Variants in PRKN observed in about 807,000 individuals in gnomAD.
PRKN encodes E3 ubiquitin-protein ligase parkin.
Under a neutral mutation model 59.5 loss-of-function variants are expected in PRKN, and 56 were observed. That is an observed-to-expected ratio of 0.94 (90% CI 0.76 to 1.18). The LOEUF is 1.18. Ranked by LOEUF, PRKN falls within the 50% of genes most tolerant of loss-of-function variation. PRKN has a pLI of 0.00. For synonymous variants in PRKN, 250 were observed against 222.1 expected (o/e 1.13, Z -1.12); for missense variants, 657 against 596.4 (o/e 1.10, Z -1.06).
intron 2 of PRKN, among the ~76,000 whole-genome samples, chr6:162,298,669 T>C (rs1022216383): frequency 5.0e-5 from 6 of 120,228 alleles, no homozygotes; most frequent in Admixed American, 2.4e-4. Flanking sequence ...CCAGAGGACA[T>C]ATTTACAATT....
rs913429215 is a variant in PRKN, at chr6:161,578,780, A to C, written c.872-9364T>G. 6.6e-6 allele frequency among the ~76,000 whole-genome samples: 1 copy of C among 152,262 alleles called. No homozygotes were observed. Among genetic ancestry groups the C allele is most frequent in the African/African-American group, 2.4e-5 (1 of 41,484 alleles). On this transcript the variant is annotated intron_variant, in intron 7 of 11. Coordinates refer to ENST00000366898, the MANE Select transcript of PRKN (RefSeq NM_004562.3). The surrounding 1 kb of genome is among the most constrained non-coding windows in gnomAD (Gnocchi z 4.2). ...AGACAGAGGACAAGGTAGAACATGC[A>C]GTAACAAAAGATGAAAAACACTTCT...
intron 3 of PRKN, among the ~76,000 whole-genome samples, chr6:162,215,504 G>C (rs759102143): frequency 1.3e-5 from 2 of 152,106 alleles, no homozygotes; most frequent in Non-Finnish European, 2.9e-5. Context: ...CTCAGCTTCT[G>C]TTATCTGGTG....
intron 6 of PRKN, among the ~76,000 whole-genome samples, chr6:161,942,205 C>A (rs1779591112): frequency 6.6e-6 from 1 of 152,044 alleles, no homozygotes; most frequent in African/African-American, 2.4e-5. Context: ...TTTTACTCAC[C>A]AAAACAACTC....
rs1324757025 is a variant in PRKN at position 162,034,182 on chromosome 6, T to TAGAGAG, written c.618+19908_618+19909insCTCTCT. On this transcript the variant is annotated intron_variant, in intron 5 of 11. Transcript: ENST00000366898. Reference sequence around the variant, plus strand: ...GTGTACACATACATATATATATATATATATAGAGAGAGAGAGAGAGAGAGA... The same window carrying TAGAGAG: ...GTGTACACATACATATATATATATATAGAGAGATATAGAGAGAGAGAGAGAGAGAGA... Among the ~76,000 whole-genome samples, 391 of 121,512 alleles carry TAGAGAG rather than the reference T, an allele frequency of 3.2e-3. 2 individuals are homozygous for TAGAGAG. The highest frequency in any genetic ancestry group is 5.2e-3 in the South Asian group (20 of 3,816). The allele number at this position is 121,512 out of a possible 152,430, so 79.7% of individuals were successfully genotyped here.
chr6:161,911,142 C>G (rs1489888043), intron 6 of PRKN, among the ~76,000 whole-genome samples: 1 of 152,046 alleles, frequency 6.6e-6, no homozygotes, highest in Non-Finnish European at 1.5e-5. Flanking sequence ...TTTCATTTGT[C>G]TCATTTTTGG....
chr6:162,142,961 T>G (rs1393407742), intron 4 of PRKN, among the ~76,000 whole-genome samples: 2 of 152,246 alleles, frequency 1.3e-5, no homozygotes, highest in Admixed American at 1.3e-4. Context: ...TTTGGACTTT[T>G]TCTCAGTTAA....
chr6:161,474,514 G>A (rs916582569), intron 9 of PRKN, among the ~76,000 whole-genome samples: 3 of 152,060 alleles, frequency 2.0e-5, no homozygotes, highest in African/African-American at 4.8e-5. Context: ...CTGTGACTTA[G>A]TCATAGATGA....
chr6:162,690,816 C>G (rs1256314621), intron 1 of PRKN, among the ~76,000 whole-genome samples: 1 of 152,030 alleles, frequency 6.6e-6, no homozygotes, highest in Non-Finnish European at 1.5e-5. Context: ...ATGGAATGCC[C>G]TAAGACAGAA....
chr6:162,083,979 ATT>A (rs1409500304), intron 4 of PRKN, among the ~76,000 whole-genome samples: 2 of 152,088 alleles, frequency 1.3e-5, no homozygotes, highest in Non-Finnish European at 2.9e-5. Flanking sequence ...GACACTAATA[ATT>A]TGATTATAAT....
intron 6 of PRKN, among the ~76,000 whole-genome samples, chr6:161,824,449 C>G (rs764651277): frequency 6.6e-6 from 1 of 152,116 alleles, no homozygotes; most frequent in Non-Finnish European, 1.5e-5. Context: ...GAGAATTTAC[C>G]GGTATTTCCA....
chr6:162,056,309 G>A lies in PRKN; in HGVS notation c.535-2135C>T, dbSNP rs183106589. Among the ~76,000 whole-genome samples the A allele has an allele frequency of 3.9e-4, 57 of 146,438 alleles. No homozygotes were observed. The highest frequency in any genetic ancestry group is 1.8e-3 in the Admixed American group (26 of 14,768). On this transcript the variant is annotated intron_variant, in intron 4 of 11. Transcript: ENST00000366898. This position sits in a 1 kb window ranked among gnomAD's most constrained non-coding sequence, Gnocchi z 4.9. ...CACCACACATGCATAAACACACCAC[G>A]CACACACGCACACACACACAATACC...
At chr6:162,128,904 A>C (rs1027958854) in intron 4 of PRKN, among the ~76,000 whole-genome samples, 4 of 152,238 alleles carry the variant, frequency 2.6e-5, no homozygotes, top group Non-Finnish European at 5.9e-5. Context: ...TCCAGCCTCC[A>C]GAACTTTGAG....
intron 7 of PRKN, among the ~76,000 whole-genome samples, chr6:161,636,529 G>A (rs552977237): frequency 6.6e-6 from 1 of 152,344 alleles, no homozygotes; most frequent in East Asian, 1.9e-4. Flanking sequence ...ACATGCGGGA[G>A]TGCCCCTTTG....
intron 7 of PRKN, among the ~76,000 whole-genome samples, chr6:161,774,110 G>C (rs561833027): frequency 6.6e-6 from 1 of 152,250 alleles, no homozygotes; most frequent in African/African-American, 2.4e-5. Context: ...GATCCAGCTA[G>C]AATGAGCTCT....
At chr6:162,633,240 C>T (rs2846512) in intron 1 of PRKN, among the ~76,000 whole-genome samples, 42,667 of 151,196 alleles carry the variant, frequency 0.28, 6,668 homozygotes, top group Non-Finnish European at 0.36. Context: ...TCGAGACCAG[C>T]CTGGCCGACG....
At chr6:161,572,061 T>C (rs1280595601) in intron 7 of PRKN, among the ~76,000 whole-genome samples, 1 of 152,138 alleles carries the variant, frequency 6.6e-6, no homozygotes, top group Non-Finnish European at 1.5e-5. Context: ...ATTGCAGGAC[T>C]GCTTGGCCGC....
chr6:161,850,085 G>A lies in PRKN; in HGVS notation c.735-64177C>T, dbSNP rs964886454. ...CATGGTGGGAGCCAGGGAAGCTGAC[G>A]CTACTACAAAGCTATGGCGTCACAG... On this transcript the variant is annotated intron_variant, in intron 6 of 11. Coordinates refer to ENST00000366898, the MANE Select transcript of PRKN (RefSeq NM_004562.3). Among the ~76,000 whole-genome samples the A allele has an allele frequency of 1.1e-4, 17 of 152,094 alleles. No homozygotes were observed. The East Asian group carries it at 2.5e-3, about 23-fold the overall frequency.
chr6:162,409,331 A>AT (rs371115367), intron 2 of PRKN, among the ~76,000 whole-genome samples: 45 of 149,976 alleles, frequency 3.0e-4, no homozygotes, highest in East Asian at 5.9e-4. Flanking sequence ...TGCCTGCCAT[A>AT]TTTTTTTTTG....
At chr6:162,500,171 T>C (rs1016603382) in intron 1 of PRKN, among the ~76,000 whole-genome samples, 1 of 138,770 alleles carries the variant, frequency 7.2e-6, no homozygotes, top group Non-Finnish European at 1.6e-5. Flanking sequence ...TCTCTTTTCT[T>C]CTTTTTTTTT....
Sources: gnomAD v4.1 joint callset for allele counts (sites outside exome capture counted in the v4.1 genomes callset) on GRCh38, gnomAD v4.1.1 for gene constraint, Gnocchi (gnomAD v3.1) non-coding constraint, MANE v1.5 for transcripts, NCBI Gene and HGNC (gene_info 2026-07-23, HGNC 2026-07-21) for gene names.